Variants in IL1RL2 observed in about 807,000 individuals in gnomAD.
IL1RL2 encodes interleukin 1 receptor like 2.
IL1RL2 carries 68 observed loss-of-function variants against 66.8 expected under a neutral mutation model. That is an observed-to-expected ratio of 1.02 (90% CI 0.84 to 1.25). IL1RL2 has a LOEUF of 1.25. Ranked by LOEUF, IL1RL2 falls within the 50% of genes most tolerant of loss-of-function variation. IL1RL2 has a pLI of 0.00. For missense variants in IL1RL2, 729 were observed against 709.3 expected (o/e 1.03, Z -0.32); for synonymous variants, 305 against 264.6 (o/e 1.15, Z -1.48).
At chr2:102,241,325 T>C (rs1052985335), downstream of IL1RL2, among the ~76,000 whole-genome samples, 10 of 152,074 alleles carry the variant, frequency 6.6e-5, no homozygotes, top group African/African-American at 2.4e-4. Context: ...GGGACTGCGG[T>C]CATAGGGATT....
chr2:102,239,356 C>A lies in IL1RL2; in HGVS notation c.*115C>A. The stretch of plus-strand genomic sequence containing the variant: ...GGCTAGGGTTAGCATTCTAGACACC[C>A]AGTTGAGCTCAGGCGTAGAGAAGAG... On this transcript the variant is annotated 3_prime_UTR_variant, in exon 12 of 12. Coordinates refer to ENST00000264257, the MANE Select transcript of IL1RL2 (RefSeq NM_003854.4). 1.1e-6 allele frequency: 1 copy of A among 930,140 alleles called. No individual in the cohort carries two copies. Among genetic ancestry groups the A allele is most frequent in the East Asian group, 2.5e-5 (1 of 39,542 alleles). The allele number at this position is 930,140 out of a possible 1,614,324, so 57.6% of individuals were successfully genotyped here. A position where few individuals can be genotyped will look rare whatever the true frequency, so the allele number is the denominator to read the frequency against.
intron 10 of IL1RL2, among the ~76,000 whole-genome samples, chr2:102,234,414 T>C (rs1029393720): frequency 6.6e-5 from 10 of 151,464 alleles, no homozygotes; most frequent in Non-Finnish European, 1.3e-4. Flanking sequence ...CCACAAAGGC[T>C]TCACAGAAGA....
At chr2:102,194,526 TC>T (rs1242090225) in intron 4 of IL1RL2, among the ~76,000 whole-genome samples, 2 of 151,336 alleles carry the variant, frequency 1.3e-5, no homozygotes, top group Non-Finnish European at 3.0e-5. Flanking sequence ...AATTAACAGT[TC>T]CAGCAGCAGT....
At chr2:102,213,477 C>T (rs998174123) in intron 6 of IL1RL2, among the ~76,000 whole-genome samples, 5 of 152,098 alleles carry the variant, frequency 3.3e-5, no homozygotes, top group Admixed American at 1.3e-4. Context: ...CAAAACATCA[C>T]ATCGTACCCA....
intron 9 of IL1RL2, among the ~76,000 whole-genome samples, chr2:102,230,191 A>G (rs1346540081): frequency 2.0e-5 from 3 of 152,234 alleles, no homozygotes; most frequent in African/African-American, 7.2e-5. Context: ...CACATTTTTA[A>G]GTGGGAAAAT....
intron 11 of IL1RL2, among the ~76,000 whole-genome samples, chr2:102,236,920 C>G (rs1011879975): frequency 6.6e-5 from 10 of 152,180 alleles, no homozygotes; most frequent in Non-Finnish European, 1.2e-4. Context: ...ACTTATAAAA[C>G]TCCAGTTAAA....
intron 11 of IL1RL2, 194 bp downstream of exon 11, chr2:102,235,471 A>G: frequency 1.0e-5 from 10 of 985,408 alleles, no homozygotes; most frequent in Non-Finnish European, 1.2e-5. Context: ...CTTCAGGGAA[A>G]CACACGGCTT....
chr2:102,236,822 T>C (rs1056879808), intron 11 of IL1RL2, among the ~76,000 whole-genome samples: 11 of 152,320 alleles, frequency 7.2e-5, no homozygotes, highest in African/African-American at 2.6e-4. Context: ...AAAAAATGGC[T>C]ACTATAATTC....
intron 5 of IL1RL2, among the ~76,000 whole-genome samples, chr2:102,203,812 T>C (rs1395941873): frequency 6.6e-6 from 1 of 152,116 alleles, no homozygotes. Flanking sequence ...TCTTTTTTGC[T>C]TAGTCTGGCT....
At chr2:102,207,737 C>T (rs374420808) in intron 5 of IL1RL2, among the ~76,000 whole-genome samples, 14 of 152,122 alleles carry the variant, frequency 9.2e-5, no homozygotes, top group African/African-American at 3.4e-4. Flanking sequence ...CCTTGGCTGC[C>T]CTAGATGGGA....
At chr2:102,221,389 A>G (rs1156675826) in intron 8 of IL1RL2, among the ~76,000 whole-genome samples, 1 of 152,044 alleles carries the variant, frequency 6.6e-6, no homozygotes, top group African/African-American at 2.4e-5. Flanking sequence ...TTCCCCCATG[A>G]CAGCTCTGCG....
Position 102,189,091 on chromosome 2 carries a change from T to C in IL1RL2, c.74T>C (p.Ile25Thr), listed in dbSNP as rs1288310708. The C allele has an allele frequency of 1.2e-6, 2 of 1,613,702 alleles. No individual in the cohort carries two copies. Among genetic ancestry groups the C allele is most frequent in the Non-Finnish European group, 1.7e-6 (2 of 1,179,694 alleles). Residue 25 changes from isoleucine (I) to threonine (T), a missense_variant, in exon 3 of 12, where the codon ATT becomes ACT. Ile to Thr is a moderately conservative substitution (Grantham distance 89). Transcript: ENST00000264257. ...LSVTADGCKD[I>T]FMKNEILSAS... ...CTTTCCCTAGATGGATGCAAGGACATTTTTATGAAAAATGAGATACTTTCA... is the reference window on the plus strand; with the variant it reads ...CTTTCCCTAGATGGATGCAAGGACACTTTTATGAAAAATGAGATACTTTCA...
At chr2:102,240,635 T>C (rs1454029135), downstream of IL1RL2, among the ~76,000 whole-genome samples, 2 of 152,224 alleles carry the variant, frequency 1.3e-5, no homozygotes, top group Non-Finnish European at 2.9e-5. Flanking sequence ...AACCAACTTA[T>C]GCCTTTCCAC....
At chr2:102,212,058 T>G (rs558083854) in intron 5 of IL1RL2, 42 bp from the exon 6 acceptor site, 4 of 1,427,524 alleles carry the variant, frequency 2.8e-6, no homozygotes, top group Non-Finnish European at 4.0e-6. Context: ...GAATGTATCA[T>G]ACGTGATTCT....
chr2:102,225,113 G>A (rs1431448101), intron 8 of IL1RL2, among the ~76,000 whole-genome samples: 1 of 152,192 alleles, frequency 6.6e-6, no homozygotes, highest in Non-Finnish European at 1.5e-5. Flanking sequence ...GCTGCGGTGA[G>A]GCAGAAGCCA....
chr2:102,203,885 T>A (rs1688478936), intron 5 of IL1RL2, among the ~76,000 whole-genome samples: 1 of 152,110 alleles, frequency 6.6e-6, no homozygotes, highest in South Asian at 2.1e-4. Flanking sequence ...TGATCTTCTG[T>A]GTTTTTTTCA....
intron 5 of IL1RL2, among the ~76,000 whole-genome samples, chr2:102,210,637 T>C (rs1055643650): frequency 1.3e-5 from 2 of 152,290 alleles, no homozygotes; most frequent in South Asian, 4.1e-4. Context: ...GGGAGAAATA[T>C]GGCAAGGTCA....
intron 1 of IL1RL2, chr2:102,187,416 T>G: frequency 9.0e-7 from 1 of 1,112,036 alleles, no homozygotes; most frequent in Non-Finnish European, 1.1e-6. Context: ...CTCGGGTGGA[T>G]CCCGAGGACA....
At chr2:102,222,360 G>A (rs904580963) in intron 8 of IL1RL2, among the ~76,000 whole-genome samples, 1 of 152,302 alleles carries the variant, frequency 6.6e-6, no homozygotes, top group South Asian at 2.1e-4. Context: ...GTGTGTCTGT[G>A]TACCCATGTA....
Sources: gnomAD v4.1 joint callset for allele counts (sites outside exome capture counted in the v4.1 genomes callset) on GRCh38, gnomAD v4.1.1 for gene constraint, MANE v1.5 for transcripts, NCBI Gene and HGNC (gene_info 2026-07-23, HGNC 2026-07-21) for gene names.